The following TCF7L1 variants were observed in gnomAD, a reference collection of about 807,000 sequenced individuals.
The protein encoded by TCF7L1 is transcription factor 7-like 1.
In TCF7L1, 18 loss-of-function variants were observed where a neutral mutation model predicts 63.7. The ratio of observed to expected loss-of-function variants is 0.28; its 90% confidence interval spans 0.20 to 0.42. The LOEUF is 0.42. TCF7L1 is among the 10% of genes least tolerant of loss of function. TCF7L1 has a pLI of 1.00. For missense variants in TCF7L1, 654 were observed against 779.3 expected (o/e 0.84, Z 1.91); for synonymous variants, 355 against 340.9 (o/e 1.04, Z -0.46).
chr2:85,243,744 A>G (rs1680394984), intron 3 of TCF7L1, among the ~76,000 whole-genome samples: 1 of 152,130 alleles, frequency 6.6e-6, no homozygotes, highest in African/African-American at 2.4e-5. Flanking sequence ...TTCAGGAGAT[A>G]TACGCTGAGC....
intron 3 of TCF7L1, among the ~76,000 whole-genome samples, chr2:85,196,699 A>G (rs975908699): frequency 6.6e-6 from 1 of 152,106 alleles, no homozygotes; most frequent in Non-Finnish European, 1.5e-5. Context: ...GGTGATTCCA[A>G]TGTGTAGTCA....
Position 85,309,402 on chromosome 2 carries a change from C to A in TCF7L1, c.1707C>A (p.His569Gln). ...PPSFPATLHA[H>Q]QALPVLQAQP... ...CCTTCCCCGCCACGCTCCATGCCCA[C>A]CAGGCCCTCCCGGTGCTACAGGCCC... Residue 569 changes from histidine to glutamine, a missense_variant, in exon 12 of 12, where the codon CAC becomes CAA. By Grantham distance (24) the His-to-Gln change is conservative. This residue lies in a region of TCF7L1 where 184 missense variants were observed against 204.0 expected (regional missense o/e 0.90). Transcript: ENST00000282111. 1 of 1,587,016 alleles carries A rather than the reference C, an allele frequency of 6.3e-7. No individual in the cohort carries two copies. The highest frequency in any genetic ancestry group is 8.6e-7 in the Non-Finnish European group (1 of 1,165,794).
chr2:85,160,617 C>T (rs780780335), intron 3 of TCF7L1, among the ~76,000 whole-genome samples: 28 of 152,042 alleles, frequency 1.8e-4, no homozygotes, highest in East Asian at 3.9e-4. Flanking sequence ...TTTCGGAGGC[C>T]GAGGTGGGAG....
chr2:85,142,739 T>C (rs577208000), intron 3 of TCF7L1, among the ~76,000 whole-genome samples: 4 of 152,294 alleles, frequency 2.6e-5, no homozygotes, highest in East Asian at 1.9e-4. Context: ...TTCCAAAACC[T>C]TGGTGTTCAG....
chr2:85,281,338 A>T (rs1392413852), intron 3 of TCF7L1, among the ~76,000 whole-genome samples: 1 of 152,056 alleles, frequency 6.6e-6, no homozygotes, highest in African/African-American at 2.4e-5. Flanking sequence ...TCCTTTTAAA[A>T]TTTGGGATAG....
chr2:85,221,878 A>G (rs567948023), intron 3 of TCF7L1, among the ~76,000 whole-genome samples: 2 of 152,226 alleles, frequency 1.3e-5, no homozygotes, highest in East Asian at 1.9e-4. Context: ...AATACAATTC[A>G]GAAGAACATG....
intron 3 of TCF7L1, among the ~76,000 whole-genome samples, chr2:85,201,725 G>A (rs1679276819): frequency 6.6e-6 from 1 of 152,130 alleles, no homozygotes; most frequent in African/African-American, 2.4e-5. Flanking sequence ...CATCAGCAGT[G>A]TATGAGGGTT....
chr2:85,143,607 T>C (rs558817420), intron 3 of TCF7L1, among the ~76,000 whole-genome samples: 4 of 152,342 alleles, frequency 2.6e-5, no homozygotes, highest in Admixed American at 6.5e-5. Flanking sequence ...CAAGGTTACA[T>C]TGATGGTGAT....
intron 3 of TCF7L1, among the ~76,000 whole-genome samples, chr2:85,220,397 G>A (rs1249027658): frequency 1.3e-5 from 2 of 151,880 alleles, no homozygotes; most frequent in East Asian, 3.8e-4. Flanking sequence ...TTGAGATGGA[G>A]TCTCACTGTC....
intron 3 of TCF7L1, among the ~76,000 whole-genome samples, chr2:85,182,237 G>A (rs1012349326): frequency 3.3e-5 from 5 of 152,286 alleles, no homozygotes; most frequent in Middle Eastern, 3.4e-3. Flanking sequence ...TCTGGGGCAC[G>A]GTCTGTTCTG....
rs116356120 is a variant in TCF7L1 at position 85,133,978 on chromosome 2, T to G, written c.250-38T>G. ...ACCCCCGGGGGATCCCGGCCCTGCG[T>G]CCGCTCACCCGCTCTTGCCTTTGTG... On this transcript the variant is annotated intron_variant, in intron 1 of 11. Coordinates refer to ENST00000282111, the MANE Select transcript of TCF7L1 (RefSeq NM_031283.3). The surrounding 1 kb of genome is among the most constrained non-coding windows in gnomAD (Gnocchi z 4.4). 103,099 of 1,592,694 alleles carry G rather than the reference T, an allele frequency of 0.065. 3,816 individuals are homozygous for G. Among genetic ancestry groups the G allele is most frequent in the Middle Eastern group, 0.11 (668 of 5,992 alleles).
At chr2:85,227,231 C>T (rs904465987) in intron 3 of TCF7L1, among the ~76,000 whole-genome samples, 2 of 152,136 alleles carry the variant, frequency 1.3e-5, no homozygotes, top group African/African-American at 2.4e-5. Context: ...CACTTAGCTC[C>T]GCTCACTGCA....
chr2:85,193,693 T>C (rs1679087542), intron 3 of TCF7L1, among the ~76,000 whole-genome samples: 1 of 152,136 alleles, frequency 6.6e-6, no homozygotes, highest in African/African-American at 2.4e-5. Context: ...AAAAAGCAAT[T>C]AAAATAAATA....
At chr2:85,265,011 G>A (rs770216943) in intron 3 of TCF7L1, among the ~76,000 whole-genome samples, 1 of 152,238 alleles carries the variant, frequency 6.6e-6, no homozygotes, top group Non-Finnish European at 1.5e-5. Flanking sequence ...CCTTATAATG[G>A]ATCCACCGGA....
intron 11 of TCF7L1, 57 bp from the exon 12 acceptor site, chr2:85,308,972 A>AG: frequency 6.6e-7 from 1 of 1,515,892 alleles, no homozygotes; most frequent in East Asian, 2.3e-5. Flanking sequence ...GCTGTTCCTC[A>AG]GCCTCCTCCT....
At chr2:85,148,451 G>A (rs2568219) in intron 3 of TCF7L1, among the ~76,000 whole-genome samples, 84,061 of 151,968 alleles carry the variant, frequency 0.55, 23,666 homozygotes, top group East Asian at 0.85. Flanking sequence ...TCCCAGCCGC[G>A]TCATGAGTTG....
At chr2:85,305,695 T>C (rs1352403674) in intron 8 of TCF7L1, among the ~76,000 whole-genome samples, 1 of 152,074 alleles carries the variant, frequency 6.6e-6, no homozygotes, top group Non-Finnish European at 1.5e-5. Context: ...CACCGTAAGA[T>C]ATATGAAAAG....
At chr2:85,152,565 G>GCCT (rs1678042287) in intron 3 of TCF7L1, among the ~76,000 whole-genome samples, 1 of 151,512 alleles carries the variant, frequency 6.6e-6, no homozygotes, top group South Asian at 2.1e-4. Context: ...CTCCCAAGTA[G>GCCT]CTGAGATTAC....
chr2:85,271,145 C>T (rs1230560191), intron 3 of TCF7L1, among the ~76,000 whole-genome samples: 1 of 152,134 alleles, frequency 6.6e-6, no homozygotes, highest in East Asian at 1.9e-4. Context: ...CAGAGTCTCC[C>T]TCTGTCACCC....
Sources: allele counts gnomAD v4.1 joint callset (sites outside exome capture counted in the v4.1 genomes callset), GRCh38; gene constraint gnomAD v4.1.1; regional missense constraint gnomAD v4.1.1; non-coding constraint Gnocchi (gnomAD v3.1); transcripts MANE v1.5; gene names NCBI Gene and HGNC (gene_info 2026-07-23, HGNC 2026-07-21).